TAL1: variants seen among roughly 807,000 people sequenced by gnomAD.
The protein encoded by TAL1 is T-cell acute lymphocytic leukemia protein 1.
TAL1 carries 8 observed loss-of-function variants against 17.9 expected under a neutral mutation model. The observed-to-expected ratio is 0.45, with a 90% CI of 0.26 to 0.81. The LOEUF (loss-of-function observed/expected upper bound fraction) is 0.81. TAL1 is among the 30% of genes least tolerant of loss of function. The probability of loss-of-function intolerance (pLI) is 0.17; values close to 1 mark genes in which losing one functional copy is unlikely to be tolerated. For missense variants in TAL1, 466 were observed against 486.9 expected (o/e 0.96, Z 0.40); for synonymous variants, 223 against 218.6 (o/e 1.02, Z -0.18).
chr1:47,221,552 G>T (rs758799903), intron 3 of TAL1, among the ~76,000 whole-genome samples: 7 of 152,196 alleles, frequency 4.6e-5, no homozygotes, highest in Non-Finnish European at 1.0e-4. Context: ...TGAGGAGACT[G>T]CTTCTCTCCC....
chr1:47,219,005 T>C (rs977747), exon 4 of TAL1: 2 of 275,900 alleles, frequency 7.2e-6, no homozygotes, highest in Non-Finnish European at 1.4e-5. Context: ...CTGCAGACAT[T>C]GTCTCCACAG....
In TAL1 at chr1:47,225,235, C is replaced by T. The variant is rs74486867; in HGVS notation, c.446+208G>A. On this transcript the variant is annotated intron_variant, in intron 2 of 3. Coordinates refer to ENST00000294339, the Ensembl canonical transcript of TAL1. ...CCGCAGCCACACGCACACTCTCTCT[C>T]ACAGAAGGCCCCTCCCTCACTGGCA... Among the ~76,000 whole-genome samples, 2,027 of 152,244 alleles carry T rather than the reference C, an allele frequency of 0.013. 108 individuals are homozygous for T. In the East Asian group the frequency reaches 0.16, roughly 12 times the overall value.
chr1:47,228,423 A>T (rs867620646), intron 1 of TAL1: 3 of 194,964 alleles, frequency 1.5e-5, no homozygotes, highest in African/African-American at 2.3e-5. Flanking sequence ...AGAGTATTTG[A>T]CGACTACAGC....
At chr1:47,232,284 C>T (rs1303095571), upstream of TAL1, 1 of 163,172 alleles carries the variant, frequency 6.1e-6, no homozygotes, top group African/African-American at 2.4e-5. Flanking sequence ...CCCGGCCCCT[C>T]CACCGACGCG....
chr1:47,228,003 A>G (rs1364816729), intron 1 of TAL1: 1 of 152,246 alleles, frequency 6.6e-6, no homozygotes, highest in Non-Finnish European at 1.5e-5. Context: ...AAGCTCTGTT[A>G]TGACACATTT....
chr1:47,225,579 CG>C lies in TAL1; in HGVS notation c.309del (p.Ala104ArgfsTer18). 2 of 1,283,710 alleles carry C rather than the reference CG, an allele frequency of 1.6e-6. No homozygotes were observed. The highest frequency in any genetic ancestry group is 2.0e-6 in the Non-Finnish European group (2 of 1,022,674). The allele number at this position is 1,283,710 out of a possible 1,614,324, so 79.5% of individuals were successfully genotyped here. On this transcript the variant is annotated frameshift_variant, in exon 2 of 4. Coordinates refer to ENST00000294339, the Ensembl canonical transcript of TAL1. LOFTEE classifies it high-confidence loss of function. ...AGCTCCGCTGTAACCGAGGCGGGCG[CG>C]GGGGCCGGGGCGGGCCCGGGAGGTC...
intron 3 of TAL1, among the ~76,000 whole-genome samples, chr1:47,221,763 G>A (rs1643812735): frequency 6.6e-6 from 1 of 152,192 alleles, no homozygotes; most frequent in South Asian, 2.1e-4. Context: ...GACTGAGGCT[G>A]GGATGGAAGC....
At chr1:47,218,098 G>C in exon 4 of TAL1, 1 of 260,386 alleles carries the variant, frequency 3.8e-6, no homozygotes, top group Admixed American at 5.4e-5. Flanking sequence ...CAAACTATAA[G>C]GGGGGGCTTT....
At chr1:47,228,839 G>T (rs952186704) in intron 1 of TAL1, 1 of 157,540 alleles carries the variant, frequency 6.3e-6, no homozygotes, top group African/African-American at 2.4e-5. Flanking sequence ...TAGCCAGGAA[G>T]GCTGCCGCCT....
At chr1:47,229,570 C>T (rs777506289) in exon 1 of TAL1, 21 of 169,354 alleles carry the variant, frequency 1.2e-4, no homozygotes, top group Non-Finnish European at 2.6e-4. Flanking sequence ...TTAAAAAACC[C>T]TATACATGAC....
At position 47,225,846 on chromosome 1, in the gene TAL1, G is replaced by A. The variant is rs1228143364; in HGVS notation, c.43C>T (p.Gln15Ter). 1 of 1,586,334 alleles carries A rather than the reference G, an allele frequency of 6.3e-7. No individual in the cohort carries two copies. Among genetic ancestry groups the A allele is most frequent in the South Asian group, 1.1e-5 (1 of 90,460 alleles). ...TCGGCCGCGTCCCGTCCCTCTAGCTGGGGGTCACTGCGAGCCGCCTCGCTC... is the reference window on the plus strand; with the variant it reads ...TCGGCCGCGTCCCGTCCCTCTAGCTAGGGGTCACTGCGAGCCGCCTCGCTC... The change falls in exon 2 of 4, where the codon CAG (glutamine) becomes TAG (stop). Residue 15 changes from glutamine to a stop codon, truncating the protein, a stop_gained. Coordinates refer to ENST00000294339, the Ensembl canonical transcript of TAL1. LOFTEE classifies it high-confidence loss of function.
At chr1:47,224,597 C>A (rs1643880195) in intron 2 of TAL1, among the ~76,000 whole-genome samples, 1 of 152,148 alleles carries the variant, frequency 6.6e-6, no homozygotes, top group Non-Finnish European at 1.5e-5. Context: ...CCCCACCTCA[C>A]CCCACCCATA....
upstream of TAL1, chr1:47,232,026 C>T: frequency 4.3e-6 from 1 of 232,216 alleles, no homozygotes; most frequent in African/African-American, 2.2e-5. Flanking sequence ...CCCACCGCCC[C>T]CCCCGGCCAT....
At chr1:47,216,319 C>G (rs1473985634) in exon 4 of TAL1, 5 of 211,570 alleles carry the variant, frequency 2.4e-5, no homozygotes, top group African/African-American at 1.1e-4. Flanking sequence ...ATTTAGAAAT[C>G]TTCCCGATAC....
At chr1:47,223,755 A>C (rs1248347412) in intron 3 of TAL1, 4 of 453,090 alleles carry the variant, frequency 8.8e-6, no homozygotes, top group African/African-American at 7.8e-5. Flanking sequence ...GGTTTGGGCT[A>C]AGCGCCATTA....
At chr1:47,217,949 CA>C (rs2148582787) in exon 4 of TAL1, 1 of 394,684 alleles carries the variant, frequency 2.5e-6, no homozygotes, top group East Asian at 3.6e-5. Context: ...CTGAGTGCTA[CA>C]AAGGTGAACA....
At chr1:47,216,891 G>A (rs913259328) in exon 4 of TAL1, 4 of 231,910 alleles carry the variant, frequency 1.7e-5, no homozygotes, top group Admixed American at 1.7e-4. Context: ...AGGAGAGGAA[G>A]GATAAGGTCA....
chr1:47,225,754 G>T (rs1643899107), exon 2 of TAL1: 2 of 1,543,864 alleles, frequency 1.3e-6, no homozygotes, highest in East Asian at 2.6e-5. Context: ...GCTCCGCTGC[G>T]GCCGCGCGGC....
exon 4 of TAL1, chr1:47,219,265 G>T: frequency 2.2e-6 from 1 of 451,668 alleles, no homozygotes; most frequent in South Asian, 2.0e-5. Context: ...GGCAGCTATT[G>T]GGTACCTATA....
Sources: allele counts gnomAD v4.1 joint callset (sites outside exome capture counted in the v4.1 genomes callset), GRCh38; gene constraint gnomAD v4.1.1; transcripts MANE v1.5; gene names NCBI Gene and HGNC (gene_info 2026-07-23, HGNC 2026-07-21).